Variants in GRID1 observed in about 807,000 individuals in gnomAD.
GRID1 encodes the protein glutamate receptor ionotropic, delta-1.
Under a neutral mutation model 98.0 loss-of-function variants are expected in GRID1, and 28 were observed. That is an observed-to-expected ratio of 0.29 (90% CI 0.21 to 0.39). The LOEUF (loss-of-function observed/expected upper bound fraction) is 0.39, where lower values mean the gene tolerates loss of function less well. Ranked by LOEUF, GRID1 falls within the 10% of genes least tolerant of loss-of-function variation. The probability of loss-of-function intolerance (pLI) is 1.00; values close to 1 mark genes in which losing one functional copy is unlikely to be tolerated. For synonymous variants in GRID1, 553 were observed against 538.5 expected, an observed-to-expected ratio of 1.03 and a Z score of -0.37; for missense variants, 1,111 against 1,340.5, an observed-to-expected ratio of 0.83 and a Z score of 2.67.
At chr10:85,802,623 T>G (rs1475872612) in intron 8 of GRID1, among the ~76,000 whole-genome samples, 1 of 151,984 alleles carries the variant, frequency 6.6e-6, no homozygotes, top group African/African-American at 2.4e-5. Flanking sequence ...AAAATTAAAT[T>G]TTAATAGGAA....
At chr10:86,101,777 C>T (rs1434951771) in intron 4 of GRID1, among the ~76,000 whole-genome samples, 1 of 151,958 alleles carries the variant, frequency 6.6e-6, no homozygotes, top group Non-Finnish European at 1.5e-5. Context: ...GTGGCTGGGA[C>T]TACATGGCAT....
At chr10:86,266,751 A>C (rs1847110468) in intron 2 of GRID1, among the ~76,000 whole-genome samples, 1 of 152,226 alleles carries the variant, frequency 6.6e-6, no homozygotes, top group African/African-American at 2.4e-5. Flanking sequence ...AGGCTTAGGA[A>C]ACCCTCTTGG....
chr10:85,832,650 G>T (rs2131763178), intron 8 of GRID1, among the ~76,000 whole-genome samples: 1 of 152,264 alleles, frequency 6.6e-6, no homozygotes, highest in Middle Eastern at 3.4e-3. Flanking sequence ...AAGATGGGAA[G>T]AGGAAGACAA....
At chr10:85,991,519 C>A (rs1842680130) in intron 4 of GRID1, among the ~76,000 whole-genome samples, 1 of 151,494 alleles carries the variant, frequency 6.6e-6, no homozygotes. Context: ...TGCGGGACTG[C>A]CCCTCTGGGG....
At chr10:86,033,736 C>T (rs1290434618) in intron 4 of GRID1, among the ~76,000 whole-genome samples, 1 of 152,222 alleles carries the variant, frequency 6.6e-6, no homozygotes, top group Admixed American at 6.5e-5. Context: ...CTCTCTCTCC[C>T]ATCACACCCA....
At chr10:86,333,843 A>G (rs1301847219) in intron 2 of GRID1, among the ~76,000 whole-genome samples, 1 of 152,114 alleles carries the variant, frequency 6.6e-6, no homozygotes, top group Non-Finnish European at 1.5e-5. Flanking sequence ...AGGGGGAGGA[A>G]TAAGAGGGGC....
chr10:86,148,280 T>C (rs1347045461), intron 3 of GRID1, among the ~76,000 whole-genome samples: 1 of 152,232 alleles, frequency 6.6e-6, no homozygotes, highest in Non-Finnish European at 1.5e-5. Context: ...TGGAATGCTC[T>C]TCAGCCTTTG....
At chr10:86,095,156 A>C (rs1844203266) in intron 4 of GRID1, among the ~76,000 whole-genome samples, 1 of 152,172 alleles carries the variant, frequency 6.6e-6, no homozygotes, top group Non-Finnish European at 1.5e-5. Flanking sequence ...TAGTCACAGG[A>C]GGAGAGTGAA....
At chr10:85,869,507 C>T (rs577122531) in intron 5 of GRID1, among the ~76,000 whole-genome samples, 1 of 152,310 alleles carries the variant, frequency 6.6e-6, no homozygotes, top group Non-Finnish European at 1.5e-5. Context: ...GACAGAAAGG[C>T]TAACTTTCCT....
chr10:85,720,954 C>T (rs1179043119), intron 12 of GRID1, among the ~76,000 whole-genome samples: 2 of 152,012 alleles, frequency 1.3e-5, no homozygotes, highest in Non-Finnish European at 2.9e-5. Context: ...TTGCTGACCG[C>T]ATATCTGACA....
chr10:86,347,920 T>C (rs1848410348), intron 2 of GRID1, among the ~76,000 whole-genome samples: 1 of 152,248 alleles, frequency 6.6e-6, no homozygotes, highest in South Asian at 2.1e-4. Flanking sequence ...CCACAGGCCA[T>C]GAGAGGCAGA....
At chr10:86,096,341 G>GA (rs549340196) in intron 4 of GRID1, among the ~76,000 whole-genome samples, 44 of 151,866 alleles carry the variant, frequency 2.9e-4, no homozygotes, top group African/African-American at 8.7e-4. Context: ...ATAACTTATG[G>GA]AAAAAAAAGA....
chr10:86,036,290 TG>T (rs957938482), intron 4 of GRID1, among the ~76,000 whole-genome samples: 3 of 152,206 alleles, frequency 2.0e-5, no homozygotes, highest in African/African-American at 7.2e-5. Flanking sequence ...TTTCTGGCCT[TG>T]GGTCACACAT....
intron 3 of GRID1, among the ~76,000 whole-genome samples, chr10:86,174,444 G>C (rs1357399300): frequency 1.3e-5 from 2 of 151,702 alleles, no homozygotes; most frequent in Admixed American, 6.6e-5. Context: ...GCCATATGTA[G>C]AAAGCTGAAA....
At chr10:85,663,112 A>T (rs1215289982) in intron 12 of GRID1, among the ~76,000 whole-genome samples, 2 of 152,158 alleles carry the variant, frequency 1.3e-5, no homozygotes, top group Admixed American at 1.3e-4. Flanking sequence ...TTCCCCTGTG[A>T]TGGGTTGGAA....
chr10:86,081,031 A>T (rs1243313293), intron 4 of GRID1, among the ~76,000 whole-genome samples: 3 of 152,142 alleles, frequency 2.0e-5, no homozygotes, highest in Non-Finnish European at 2.9e-5. Context: ...AAGGGAGAGG[A>T]GGAGGATGGG....
chr10:86,007,822 TTTTA>T (rs56067622), intron 4 of GRID1, among the ~76,000 whole-genome samples: 5,558 of 148,826 alleles, frequency 0.037, 412 homozygotes, highest in African/African-American at 0.13. Context: ...TTTTGTGTTT[TTTTA>T]TTTATTTATT....
At chr10:85,807,371 A>C (rs1842632580) in intron 8 of GRID1, among the ~76,000 whole-genome samples, 1 of 142,024 alleles carries the variant, frequency 7.0e-6, no homozygotes, top group South Asian at 2.2e-4. Context: ...AAAAAAAAGG[A>C]AAGAAAAAGA....
intron 12 of GRID1, among the ~76,000 whole-genome samples, chr10:85,664,725 T>G (rs572688496): frequency 1.3e-5 from 2 of 152,276 alleles, no homozygotes; most frequent in African/African-American, 4.8e-5. Flanking sequence ...GCGCAATAGG[T>G]CCCCTCTCTA....
Sources: allele counts gnomAD v4.1 joint callset (sites outside exome capture counted in the v4.1 genomes callset), GRCh38; gene constraint gnomAD v4.1.1; transcripts MANE v1.5; gene names NCBI Gene and HGNC (gene_info 2026-07-23, HGNC 2026-07-21).